The following OR51B5 variants were observed in gnomAD, a reference collection of about 807,000 sequenced individuals.
The protein encoded by OR51B5 is olfactory receptor 51B5.
For synonymous variants in OR51B5, 186 were observed against 144.8 expected (o/e 1.28, Z -2.04); for missense variants, 456 against 374.6 (o/e 1.22, Z -1.79).
intron 1 of OR51B5, among the ~76,000 whole-genome samples, chr11:5,458,551 T>G (rs981894145): frequency 1.3e-5 from 2 of 152,226 alleles, no homozygotes; most frequent in African/African-American, 4.8e-5. Flanking sequence ...TTGGGCAGTG[T>G]GGTTATTTTA....
intron 1 of OR51B5, chr11:5,362,649 C>G (rs1360892611): frequency 5.3e-6 from 1 of 190,436 alleles, no homozygotes. Flanking sequence ...TACAACAGCC[C>G]GGTCAACCCA....
At chr11:5,469,677 T>C (rs1472285212) in intron 1 of OR51B5, among the ~76,000 whole-genome samples, 1 of 152,196 alleles carries the variant, frequency 6.6e-6, no homozygotes, top group Non-Finnish European at 1.5e-5. Context: ...TTTTTAGATA[T>C]TATCCTTTAT....
intron 1 of OR51B5, among the ~76,000 whole-genome samples, chr11:5,377,915 C>G (rs1234198290): frequency 6.6e-6 from 1 of 152,104 alleles, no homozygotes; most frequent in African/African-American, 2.4e-5. Flanking sequence ...CAATGCCATC[C>G]CCATCAAGCT....
At chr11:5,396,898 T>C (rs1448758455) in intron 1 of OR51B5, among the ~76,000 whole-genome samples, 2 of 152,148 alleles carry the variant, frequency 1.3e-5, no homozygotes, top group African/African-American at 4.8e-5. Flanking sequence ...GAAATAATGC[T>C]GTCTATCTAC....
chr11:5,428,491 A>G (rs897794437), intron 1 of OR51B5, among the ~76,000 whole-genome samples: 3 of 152,226 alleles, frequency 2.0e-5, no homozygotes, highest in African/African-American at 7.2e-5. Flanking sequence ...TTCAATTTGT[A>G]AAAAATGCGA....
At position 5,440,837 on chromosome 11, in the gene OR51B5, G is replaced by T. The variant is rs763955626; in HGVS notation, n.84+64732C>A. On this transcript the variant is annotated intron_variant and non_coding_transcript_variant, in intron 1 of 4. Coordinates refer to the OR51B5 transcript ENST00000415970. Reference sequence around the variant, plus strand: ...GTTCCTGGGATATGATGACCAGCATGGCTCTCAGGATCAATGCGTAGGAAA... The same window carrying T: ...GTTCCTGGGATATGATGACCAGCATTGCTCTCAGGATCAATGCGTAGGAAA... 6.8e-6 allele frequency: 11 copies of T among 1,613,672 alleles called. No homozygotes were observed. The East Asian group carries it at 8.9e-5, about 13-fold the overall frequency.
chr11:5,429,029 G>T (rs531068151), intron 1 of OR51B5, among the ~76,000 whole-genome samples: 1 of 152,262 alleles, frequency 6.6e-6, no homozygotes, highest in East Asian at 1.9e-4. Context: ...GGTGTTTTGA[G>T]ATGTTTTTCA....
chr11:5,445,998 C>G (rs563816721), intron 1 of OR51B5, among the ~76,000 whole-genome samples: 1 of 151,842 alleles, frequency 6.6e-6, no homozygotes, highest in African/African-American at 2.4e-5. Context: ...AGCAAACTAT[C>G]CCAAGGACAA....
At chr11:5,447,676 A>T (rs1850787061) in intron 1 of OR51B5, among the ~76,000 whole-genome samples, 1 of 152,066 alleles carries the variant, frequency 6.6e-6, no homozygotes, top group Non-Finnish European at 1.5e-5. Flanking sequence ...AGCTCCCAAG[A>T]TCTACAAATA....
chr11:5,351,510 G>C (rs1342079137), intron 1 of OR51B5: 6 of 1,605,906 alleles, frequency 3.7e-6, no homozygotes, highest in Non-Finnish European at 5.1e-6. Flanking sequence ...AGCTGGCAAT[G>C]GGGCTCAATA....
chr11:5,363,752 T>C (rs1849323095), intron 1 of OR51B5, among the ~76,000 whole-genome samples: 2 of 152,282 alleles, frequency 1.3e-5, no homozygotes, highest in African/African-American at 2.4e-5. Context: ...AGCGGGAAAG[T>C]AGCATTTTCA....
At chr11:5,378,001 A>T (rs1026902414) in intron 1 of OR51B5, among the ~76,000 whole-genome samples, 1 of 150,476 alleles carries the variant, frequency 6.6e-6, no homozygotes, top group Non-Finnish European at 1.5e-5. Flanking sequence ...CTGCATTGCC[A>T]AGTCAATCCT....
At chr11:5,413,830 G>A (rs1383618291) in intron 1 of OR51B5, among the ~76,000 whole-genome samples, 3 of 151,708 alleles carry the variant, frequency 2.0e-5, no homozygotes. Context: ...AAGTGACGGG[G>A]AGAATGCAAC....
chr11:5,484,016 A>G (rs996881753), intron 1 of OR51B5, among the ~76,000 whole-genome samples: 3 of 151,986 alleles, frequency 2.0e-5, no homozygotes, highest in African/African-American at 2.4e-5. Context: ...ACCTCCTGCC[A>G]AAGCCACTGC....
chr11:5,376,226 G>A lies in OR51B5; in HGVS notation n.85-29316C>T, dbSNP rs4474468. Among the ~76,000 whole-genome samples the A allele has an allele frequency of 6.2e-3, 939 of 151,644 alleles. 28 individuals are homozygous for A. The highest frequency in any genetic ancestry group is 0.048 in the Admixed American group (737 of 15,226). On this transcript the variant is annotated intron_variant and non_coding_transcript_variant, in intron 1 of 4. Transcript: ENST00000415970. ...CCTGAATGACTACTGGGTACATAACGAAATGAAGGCAGAAATAAAGATGTT... is the reference window on the plus strand; with the variant it reads ...CCTGAATGACTACTGGGTACATAACAAAATGAAGGCAGAAATAAAGATGTT...
chr11:5,469,003 A>T (rs547961080), intron 1 of OR51B5: 12 of 337,312 alleles, frequency 3.6e-5, no homozygotes, highest in Admixed American at 2.0e-4. Context: ...CCACACGGAC[A>T]TCAGTGAGCA....
At chr11:5,493,838 C>A (rs1409572874) in intron 1 of OR51B5, among the ~76,000 whole-genome samples, 1 of 152,210 alleles carries the variant, frequency 6.6e-6, no homozygotes, top group African/African-American at 2.4e-5. Flanking sequence ...CCTAGAATGA[C>A]ACCTCCAGAA....
At chr11:5,437,924 G>A (rs1850614732) in intron 1 of OR51B5, among the ~76,000 whole-genome samples, 1 of 152,128 alleles carries the variant, frequency 6.6e-6, no homozygotes. Context: ...TTCAGGGAGG[G>A]AAATAGAAGA....
intron 1 of OR51B5, chr11:5,453,927 G>A (rs1850902977): frequency 1.2e-6 from 2 of 1,614,090 alleles, no homozygotes; most frequent in Admixed American, 1.7e-5. Flanking sequence ...AATGGGTTTA[G>A]GTGCAGCTGC....
Sources: allele counts gnomAD v4.1 joint callset (sites outside exome capture counted in the v4.1 genomes callset), GRCh38; gene constraint gnomAD v4.1.1; transcripts MANE v1.5; gene names NCBI Gene and HGNC (gene_info 2026-07-23, HGNC 2026-07-21).